OTULINL: variants seen among roughly 807,000 people sequenced by gnomAD.
OTULINL encodes the protein OTU deubiquitinase with linear linkage specificity like.
A neutral mutation model predicts 43.9 loss-of-function variants in OTULINL; 42 were observed. That is an observed-to-expected ratio of 0.96 (90% CI 0.75 to 1.24). The LOEUF (loss-of-function observed/expected upper bound fraction) is 1.24. OTULINL is among the 50% of genes most tolerant of loss of function. The pLI, the probability that OTULINL is intolerant of heterozygous loss-of-function variation, is 0.00. For missense variants in OTULINL, 411 were observed against 426.4 expected (o/e 0.96, Z 0.32); for synonymous variants, 172 against 153.6 (o/e 1.12, Z -0.88).
chr5:14,593,570 A>G (rs986602114), intron 1 of OTULINL, among the ~76,000 whole-genome samples: 1 of 152,176 alleles, frequency 6.6e-6, no homozygotes, highest in African/African-American at 2.4e-5. Context: ...AGGAATTACA[A>G]CTTCCTCTTT....
chr5:14,582,793 G>C (rs1392554607), intron 1 of OTULINL, among the ~76,000 whole-genome samples: 1 of 128,466 alleles, frequency 7.8e-6, no homozygotes, highest in East Asian at 2.5e-4. Context: ...CTCAGCCAGG[G>C]AGACAGAGCC....
Position 14,610,373 on chromosome 5 carries a change from GTCTC to G in OTULINL, c.*65_*68del. On this transcript the variant is annotated 3_prime_UTR_variant, in exon 8 of 8. Transcript: ENST00000274217. ...TGACGGTGGTCACAGTTGCAATAAA[GTCTC>G]TCTCTGAAACCAAAGCTAGCATTTC... is the stretch of plus-strand genomic sequence containing the variant. The G allele has an allele frequency of 1.2e-5, 18 of 1,558,140 alleles. No individual in the cohort carries two copies. The South Asian group carries it at 1.4e-4, about 12-fold the overall frequency.
At chr5:14,606,063 A>G (rs1437165747) in intron 5 of OTULINL, among the ~76,000 whole-genome samples, 1 of 152,200 alleles carries the variant, frequency 6.6e-6, no homozygotes, top group Non-Finnish European at 1.5e-5. Flanking sequence ...ACTGCTGATA[A>G]AGACATAACT....
chr5:14,587,278 G>A (rs554558936), intron 1 of OTULINL, among the ~76,000 whole-genome samples: 17 of 152,326 alleles, frequency 1.1e-4, no homozygotes, highest in South Asian at 2.1e-4. Flanking sequence ...ACTGGGTGCT[G>A]TGTGTCTTCC....
Position 14,593,154 on chromosome 5 carries a change from A to G in OTULINL, c.65-7811A>G, listed in dbSNP as rs26177. Among the ~76,000 whole-genome samples, 1,245 of 152,274 alleles carry G rather than the reference A, an allele frequency of 8.2e-3. 104 individuals carry two copies. In the East Asian group the frequency reaches 0.18, roughly 22 times the overall value. On this transcript the variant is annotated intron_variant, in intron 1 of 7. Coordinates refer to ENST00000274217, the MANE Select transcript of OTULINL (RefSeq NM_019018.3). Reference sequence around the variant, plus strand: ...CTGGCCTGCGGGAGGAGCTTAATCTATGTTCGTAGAATAATGATCAAAGTT... The same window carrying G: ...CTGGCCTGCGGGAGGAGCTTAATCTGTGTTCGTAGAATAATGATCAAAGTT...
At chr5:14,609,621 AT>A (rs201855537) in intron 7 of OTULINL, among the ~76,000 whole-genome samples, 224 of 102,210 alleles carry the variant, frequency 2.2e-3, no homozygotes, top group African/African-American at 7.5e-3. Flanking sequence ...TTTTCCTGTG[AT>A]TTTTTTTTTT....
At position 14,613,588 on chromosome 5, in the gene OTULINL, A is replaced by T. The variant is rs147464698; in HGVS notation, c.*3274A>T. Among the ~76,000 whole-genome samples the T allele has an allele frequency of 6.3e-4, 96 of 152,322 alleles. No individual in the cohort carries two copies. The highest frequency in any genetic ancestry group is 2.2e-3 in the African/African-American group (91 of 41,568). The stretch of plus-strand genomic sequence containing the variant: ...TTATCTCCAAAGTAAAATGATAACT[A>T]TGGGTGGCTTCTGGGCTCAATTTAG... On this transcript the variant is annotated 3_prime_UTR_variant, in exon 8 of 8. Coordinates refer to ENST00000274217, the MANE Select transcript of OTULINL (RefSeq NM_019018.3).
At chr5:14,600,932 C>CTTTTTTTTTTTTTTT in intron 1 of OTULINL, 33 bp from the exon 2 acceptor site, 1 of 1,085,944 alleles carries the variant, frequency 9.2e-7, no homozygotes, top group Non-Finnish European at 1.2e-6. Context: ...TTGTGATGTG[C>CTTTTTTTTTTTTTTT]TTTTTTTTTT....
chr5:14,581,860 G>A lies in OTULINL; in HGVS notation c.-35G>A. ...TCTGACAGACCACTGCAGACCACGG[G>A]CCGAGGCCCAGCGCCCGTCCGCAGC... On this transcript the variant is annotated 5_prime_UTR_variant, in exon 1 of 8. Coordinates refer to ENST00000274217, the MANE Select transcript of OTULINL (RefSeq NM_019018.3). The A allele has an allele frequency of 1.4e-6, 2 of 1,392,256 alleles. No homozygotes were observed. Among genetic ancestry groups the A allele is most frequent in the African/African-American group, 1.5e-5 (1 of 66,022 alleles). 86.2% of individuals were successfully genotyped at this position (1,392,256 alleles called of 1,614,324 possible).
intron 1 of OTULINL, among the ~76,000 whole-genome samples, chr5:14,588,141 AG>A (rs1444706694): frequency 2.0e-4 from 31 of 152,298 alleles, no homozygotes; most frequent in African/African-American, 6.7e-4. Context: ...CTGTGGTGCA[AG>A]CTTTGAGTAA....
chr5:14,583,213 C>A (rs1030917080), intron 1 of OTULINL, among the ~76,000 whole-genome samples: 33 of 152,218 alleles, frequency 2.2e-4, no homozygotes, highest in Admixed American at 1.6e-3. Flanking sequence ...GGACATCATT[C>A]TGATGTGTCC....
At chr5:14,598,471 C>A (rs1334668718) in intron 1 of OTULINL, among the ~76,000 whole-genome samples, 1 of 152,154 alleles carries the variant, frequency 6.6e-6, no homozygotes. Context: ...ACCCTGTGAC[C>A]TAGAATTTTC....
chr5:14,613,451 G>T lies in OTULINL; in HGVS notation c.*3137G>T, dbSNP rs575799348. Among the ~76,000 whole-genome samples, 1 of 152,272 alleles carries T rather than the reference G, an allele frequency of 6.6e-6. No homozygotes were observed. The highest frequency in any genetic ancestry group is 2.1e-4 in the South Asian group (1 of 4,828). The stretch of plus-strand genomic sequence containing the variant: ...CTGGGCTTAAAAGAGCCTCAGTGGA[G>T]AAGTACAACCTAAGAGGGAGTTAGG... On this transcript the variant is annotated 3_prime_UTR_variant, in exon 8 of 8. Transcript: ENST00000274217.
At chr5:14,582,814 C>CAAAAA (rs57907300) in intron 1 of OTULINL, among the ~76,000 whole-genome samples, 3 of 55,020 alleles carry the variant, frequency 5.5e-5, no homozygotes, top group Admixed American at 2.3e-4. Flanking sequence ...TTGCTCTGTC[C>CAAAAA]AAAAAAAAAA....
At chr5:14,586,269 T>A (rs1318130522) in intron 1 of OTULINL, among the ~76,000 whole-genome samples, 1 of 152,234 alleles carries the variant, frequency 6.6e-6, no homozygotes, top group Non-Finnish European at 1.5e-5. Flanking sequence ...TCTAAATAAA[T>A]CAACAGAAAG....
intron 1 of OTULINL, among the ~76,000 whole-genome samples, chr5:14,583,553 T>C (rs1257583032): frequency 6.6e-6 from 1 of 152,184 alleles, no homozygotes; most frequent in African/African-American, 2.4e-5. Flanking sequence ...CCCGGAATTT[T>C]TCCTTTCTTT....
At chr5:14,592,260 A>T (rs921736982) in intron 1 of OTULINL, among the ~76,000 whole-genome samples, 5 of 152,206 alleles carry the variant, frequency 3.3e-5, no homozygotes, top group African/African-American at 1.2e-4. Flanking sequence ...AGACTCCCCA[A>T]AGATATCATG....
chr5:14,588,665 T>G (rs1759148295), intron 1 of OTULINL, among the ~76,000 whole-genome samples: 1 of 152,200 alleles, frequency 6.6e-6, no homozygotes, highest in Non-Finnish European at 1.5e-5. Flanking sequence ...ATGATCTCCA[T>G]GGTGTCAGGG....
chr5:14,605,270 G>T (rs1020511182), intron 5 of OTULINL, among the ~76,000 whole-genome samples: 2 of 152,084 alleles, frequency 1.3e-5, no homozygotes, highest in Non-Finnish European at 2.9e-5. Flanking sequence ...ACCTTGCTTG[G>T]CCCCTTTTAG....
Sources: gnomAD v4.1 joint callset for allele counts (sites outside exome capture counted in the v4.1 genomes callset) on GRCh38, gnomAD v4.1.1 for gene constraint, MANE v1.5 for transcripts, NCBI Gene and HGNC (gene_info 2026-07-23, HGNC 2026-07-21) for gene names.